The following EPHA3 variants were observed in gnomAD, a reference collection of about 807,000 sequenced individuals.
EPHA3 encodes EPH receptor A3.
EPHA3 carries 42 observed loss-of-function variants against 107.1 expected under a neutral mutation model. The ratio of observed to expected loss-of-function variants is 0.39; its 90% CI spans 0.31 to 0.51. The LOEUF (loss-of-function observed/expected upper bound fraction) is 0.51, where lower values mean the gene tolerates loss of function less well. EPHA3 is among the 20% of genes least tolerant of loss of function. The pLI is 0.78. For synonymous variants in EPHA3, 461 were observed against 424.8 expected, an observed-to-expected ratio of 1.09 and a Z score of -1.05; for missense variants, 1,183 against 1,211.2, an observed-to-expected ratio of 0.98 and a Z score of 0.35.
At chr3:89,292,917 C>T (rs560899752) in intron 3 of EPHA3, among the ~76,000 whole-genome samples, 18 of 152,234 alleles carry the variant, frequency 1.2e-4, no homozygotes, top group African/African-American at 2.9e-4. Context: ...AACAAAATGT[C>T]GACATGTTTT....
At chr3:89,132,140 G>C (rs1704219668) in intron 2 of EPHA3, among the ~76,000 whole-genome samples, 1 of 152,112 alleles carries the variant, frequency 6.6e-6, no homozygotes, top group Admixed American at 6.5e-5. Context: ...CATTTCCTCC[G>C]TTTGGGCTTG....
intron 3 of EPHA3, among the ~76,000 whole-genome samples, chr3:89,218,084 G>T (rs1184849651): frequency 6.6e-6 from 1 of 152,100 alleles, no homozygotes; most frequent in Non-Finnish European, 1.5e-5. Context: ...TTCATGTATT[G>T]AATTGGGGGG....
chr3:89,283,144 A>G (rs1296336886), intron 3 of EPHA3, among the ~76,000 whole-genome samples: 1 of 152,128 alleles, frequency 6.6e-6, no homozygotes, highest in African/African-American at 2.4e-5. Context: ...ACAAGTTTTA[A>G]CTATCATTAT....
chr3:89,214,571 G>T (rs1228848595), intron 3 of EPHA3, among the ~76,000 whole-genome samples: 2 of 151,966 alleles, frequency 1.3e-5, no homozygotes, highest in East Asian at 3.9e-4. Flanking sequence ...TTCCAAACAA[G>T]GATCCAAAAG....
chr3:89,471,880 T>A (rs1710410559), intron 15 of EPHA3, among the ~76,000 whole-genome samples: 1 of 151,880 alleles, frequency 6.6e-6, no homozygotes, highest in South Asian at 2.1e-4. Flanking sequence ...TATGCAAGAA[T>A]GTTTTTTCTT....
At chr3:89,327,282 G>T (rs1016675162) in intron 3 of EPHA3, among the ~76,000 whole-genome samples, 8 of 152,108 alleles carry the variant, frequency 5.3e-5, no homozygotes, top group African/African-American at 1.9e-4. Context: ...TTAGAAAGAA[G>T]ATTTTCAGGT....
intron 2 of EPHA3, among the ~76,000 whole-genome samples, chr3:89,182,122 A>G (rs1183430247): frequency 1.4e-5 from 2 of 146,708 alleles, no homozygotes; most frequent in African/African-American, 2.5e-5. Context: ...TCTCTTCTTT[A>G]TGACTTTAAT....
At position 89,219,688 on chromosome 3, in the gene EPHA3, GTTTT is replaced by G. The variant is rs1553666928; in HGVS notation, c.814+9179_814+9182del. On this transcript the variant is annotated intron_variant, in intron 3 of 16. Coordinates refer to ENST00000336596, the MANE Select transcript of EPHA3 (RefSeq NM_005233.6). The stretch of plus-strand genomic sequence containing the variant: ...TTACCTCCAAGAGGCATTTGGCAAT[GTTTT>G]TTTTTTTTTTGTTTTTTGTTTTTTT... Among the ~76,000 whole-genome samples, 4 of 34,440 alleles carry G rather than the reference GTTTT, an allele frequency of 1.2e-4. 1 individual carries two copies. Among genetic ancestry groups the G allele is most frequent in the Non-Finnish European group, 2.1e-4 (4 of 19,128 alleles). 22.6% of individuals were successfully genotyped at this position (34,440 alleles called of 152,430 possible).
chr3:89,127,216 A>C lies in EPHA3; in HGVS notation c.96A>C (p.Leu32=), dbSNP rs773685257. The C allele has an allele frequency of 1.2e-6, 2 of 1,611,624 alleles. No individual in the cohort carries two copies. Among genetic ancestry groups the C allele is most frequent in the Admixed American group, 1.7e-5 (1 of 59,932 alleles). ...LIPQPSNEVN[L]LDSKTIQGEL... ...TATTATGTTTTATTTTAGTCAATCT[A>C]CTGGATTCAAAAACAATTCAAGGGG... The change falls in exon 2 of 17, where the codon CTA becomes CTC. Residue 32 remains leucine, a synonymous_variant. Coordinates refer to ENST00000336596, the MANE Select transcript of EPHA3 (RefSeq NM_005233.6).
chr3:89,307,937 G>A (rs1706665809), intron 3 of EPHA3, among the ~76,000 whole-genome samples: 1 of 152,230 alleles, frequency 6.6e-6, no homozygotes. Flanking sequence ...CATATAAGTG[G>A]AATAAAATGT....
intron 13 of EPHA3, among the ~76,000 whole-genome samples, chr3:89,442,496 G>A (rs547696118): frequency 6.6e-6 from 1 of 152,256 alleles, no homozygotes; most frequent in South Asian, 2.1e-4. Context: ...ATTTTTGGCT[G>A]TCACAACTGG....
chr3:89,367,218 C>T (rs1296962078), intron 5 of EPHA3, among the ~76,000 whole-genome samples: 2 of 150,796 alleles, frequency 1.3e-5, no homozygotes, highest in Admixed American at 6.6e-5. Context: ...TGCATAAACT[C>T]GCTACAGGTT....
chr3:89,242,775 T>C (rs560416720), intron 3 of EPHA3, among the ~76,000 whole-genome samples: 51 of 152,196 alleles, frequency 3.4e-4, no homozygotes, highest in African/African-American at 1.2e-3. Context: ...TTATTATACT[T>C]TAAGTTTTAG....
chr3:89,310,582 T>A (rs1237992141), intron 3 of EPHA3, among the ~76,000 whole-genome samples: 2 of 151,584 alleles, frequency 1.3e-5, no homozygotes, highest in East Asian at 3.9e-4. Flanking sequence ...TATTCACCTC[T>A]CCAAAAAACA....
At chr3:89,478,593 C>T (rs1238396531) in intron 16 of EPHA3, among the ~76,000 whole-genome samples, 1 of 152,070 alleles carries the variant, frequency 6.6e-6, no homozygotes, top group African/African-American at 2.4e-5. Flanking sequence ...GAAATAGTAT[C>T]AGGTAGTCAG....
intron 11 of EPHA3, among the ~76,000 whole-genome samples, chr3:89,426,837 A>G (rs930553404): frequency 3.4e-4 from 51 of 151,860 alleles, no homozygotes; most frequent in African/African-American, 1.2e-3. Context: ...ACAGAAACTG[A>G]TGGTGATTTA....
At position 89,399,351 on chromosome 3, in the gene EPHA3, G is replaced by A. The variant is rs1259440529; in HGVS notation, c.1465G>A (p.Ala489Thr). Residue 489 changes from alanine (A) to threonine (T), a missense_variant, in exon 7 of 17, where the codon GCA becomes ACA. Transcript: ENST00000336596. ...AGAAACAAGTTATACCATTCTGAGG[G>A]CAAGAGGCACAAATGTTACCATCAG... Reference protein sequence around the residue: ...EQETSYTILRARGTNVTISSL... With the variant: ...EQETSYTILRTRGTNVTISSL... The A allele has an allele frequency of 6.2e-7, 1 of 1,613,096 alleles. No individual in the cohort carries two copies. The highest frequency in any genetic ancestry group is 1.7e-5 in the Admixed American group (1 of 59,954).
intron 3 of EPHA3, among the ~76,000 whole-genome samples, chr3:89,330,869 A>G (rs766149559): frequency 6.6e-5 from 10 of 152,148 alleles, no homozygotes; most frequent in Non-Finnish European, 1.0e-4. Context: ...CTTAATCTGG[A>G]AAGTGTGAAA....
chr3:89,225,907 A>G (rs1161420792), intron 3 of EPHA3, among the ~76,000 whole-genome samples: 1 of 152,126 alleles, frequency 6.6e-6, no homozygotes, highest in Non-Finnish European at 1.5e-5. Flanking sequence ...GCCTGGGGCC[A>G]CTGTGGGACC....
Sources: gnomAD v4.1 joint callset for allele counts (sites outside exome capture counted in the v4.1 genomes callset) on GRCh38, gnomAD v4.1.1 for gene constraint, MANE v1.5 for transcripts, NCBI Gene and HGNC (gene_info 2026-07-23, HGNC 2026-07-21) for gene names.